Variants in AP1AR observed in about 807,000 individuals in gnomAD.
The protein encoded by AP1AR is adaptor related protein complex 1 associated regulatory protein.
In AP1AR, 29 loss-of-function variants were observed where a neutral mutation model predicts 46.3. The ratio of observed to expected loss-of-function variants is 0.63; its 90% confidence interval spans 0.47 to 0.85. The LOEUF is 0.85. Among genes scored for constraint, AP1AR ranks in the 40% least tolerant of loss-of-function variants. The pLI is 0.00. For synonymous variants in AP1AR, 122 were observed against 122.9 expected, an observed-to-expected ratio of 0.99 and a Z score of 0.05; for missense variants, 357 against 356.3, an observed-to-expected ratio of 1.00 and a Z score of -0.02.
intron 1 of AP1AR, among the ~76,000 whole-genome samples, chr4:112,236,613 C>G (rs1279996401): frequency 6.6e-6 from 1 of 152,104 alleles, no homozygotes; most frequent in East Asian, 1.9e-4. Context: ...GTTGGCCTGG[C>G]TAGTCTCGAA....
rs957357518 is a variant in AP1AR at position 112,261,151 on chromosome 4, A to G, written c.282+289A>G. On this transcript the variant is annotated intron_variant, in intron 5 of 9. Transcript: ENST00000274000. ...AATATGCACCTTGGTATTTAAAACCAACTTTTAGAGCAGGCTCACATCTGT... is the reference window on the plus strand; with the variant it reads ...AATATGCACCTTGGTATTTAAAACCGACTTTTAGAGCAGGCTCACATCTGT... Among the ~76,000 whole-genome samples, 7 of 152,328 alleles carry G rather than the reference A, an allele frequency of 4.6e-5. No homozygotes were observed. In the East Asian group the frequency reaches 1.3e-3, roughly 29 times the overall value.
chr4:112,237,111 T>G (rs559974697), intron 1 of AP1AR, among the ~76,000 whole-genome samples: 1 of 152,334 alleles, frequency 6.6e-6, no homozygotes, highest in African/African-American at 2.4e-5. Flanking sequence ...TACAGTGTTT[T>G]CTTTTTGTTT....
At chr4:112,257,938 A>G (rs796239937) in intron 4 of AP1AR, 141 bp downstream of exon 4, 2 of 649,954 alleles carry the variant, frequency 3.1e-6, no homozygotes, top group East Asian at 3.2e-5. Context: ...TTCTTTTTAT[A>G]AGATTGAGAC....
Position 112,232,186 on chromosome 4 carries a change from G to A in AP1AR, c.83+12G>A, listed in dbSNP as rs746341894. Reference sequence around the variant, plus strand: ...GGCGGCGGCGGAGGGTAAGCCCGCTGGGGGAGGGGCCCGGCCCCCGTGGCT... The same window carrying A: ...GGCGGCGGCGGAGGGTAAGCCCGCTAGGGGAGGGGCCCGGCCCCCGTGGCT... On this transcript the variant is annotated intron_variant, in intron 1 of 9. Transcript: ENST00000274000. The A allele has an allele frequency of 7.9e-7, 1 of 1,270,382 alleles. No individual in the cohort carries two copies. The highest frequency in any genetic ancestry group is 1.0e-6 in the Non-Finnish European group (1 of 1,000,324). The allele number at this position is 1,270,382 out of a possible 1,614,324, so 78.7% of individuals were successfully genotyped here. A position where few individuals can be genotyped will look rare whatever the true frequency, so the allele number is the denominator to read the frequency against.
intron 1 of AP1AR, among the ~76,000 whole-genome samples, chr4:112,240,653 A>G (rs1725453019): frequency 6.6e-6 from 1 of 152,114 alleles, no homozygotes. Flanking sequence ...GCTCCCTGAA[A>G]CATCTCTTTT....
At position 112,244,514 on chromosome 4, in the gene AP1AR, A is replaced by T. The variant is rs17044334; in HGVS notation, c.84-8694A>T. Among the ~76,000 whole-genome samples, 1,287 of 152,290 alleles carry T rather than the reference A, an allele frequency of 8.5e-3. 16 individuals carry two copies. The highest frequency in any genetic ancestry group is 0.029 in the African/African-American group (1,212 of 41,558). On this transcript the variant is annotated intron_variant, in intron 1 of 9. Coordinates refer to ENST00000274000, the MANE Select transcript of AP1AR (RefSeq NM_018569.6). ...AAAGGCAATTGTTTCATGCCACAGG[A>T]TGAGAATAACTGCTTTTCTAAAACA...
At position 112,260,841 on chromosome 4, in the gene AP1AR, T is replaced by G; in HGVS notation, c.261T>G (p.Leu87=). 2 of 1,598,222 alleles carry G rather than the reference T, an allele frequency of 1.3e-6. No homozygotes were observed. Among genetic ancestry groups the G allele is most frequent in the Non-Finnish European group, 1.7e-6 (2 of 1,171,472 alleles). Residue 87 remains leucine (L), a synonymous_variant, in exon 5 of 10, where the codon CTT becomes CTG. Transcript: ENST00000274000. The part of the protein sequence containing the change: ...YDSIAEKQKD[L]DKKIQKELAL... ...CCATTGCCGAAAAACAAAAAGATCT[T>G]GATAAGAAAATTCAAAAAGAGGTAA...
intron 2 of AP1AR, among the ~76,000 whole-genome samples, chr4:112,253,927 G>A (rs993492135): frequency 5.3e-5 from 8 of 152,124 alleles, no homozygotes; most frequent in African/African-American, 1.9e-4. Flanking sequence ...AATGTGTAAG[G>A]CAGGAATTAG....
intron 3 of AP1AR, 82 bp from the exon 4 acceptor site, chr4:112,257,685 TTTAGA>T (rs1560610158): frequency 2.9e-6 from 3 of 1,045,964 alleles, no homozygotes; most frequent in East Asian, 2.8e-5. Context: ...GTTGAAAGTA[TTTAGA>T]TTAAATAAAA....
chr4:112,259,260 C>T (rs1000581595), intron 4 of AP1AR, among the ~76,000 whole-genome samples: 3 of 152,018 alleles, frequency 2.0e-5, no homozygotes, highest in African/African-American at 7.2e-5. Flanking sequence ...TAGACTGCAG[C>T]GAGTTGACAA....
At chr4:112,239,066 T>G (rs1439534872) in intron 1 of AP1AR, among the ~76,000 whole-genome samples, 1 of 152,182 alleles carries the variant, frequency 6.6e-6, no homozygotes, top group African/African-American at 2.4e-5. Flanking sequence ...ACATGTTAGA[T>G]CTTTCTAACA....
At chr4:112,233,859 T>G (rs1725126356) in intron 1 of AP1AR, among the ~76,000 whole-genome samples, 1 of 151,768 alleles carries the variant, frequency 6.6e-6, no homozygotes, top group African/African-American at 2.4e-5. Flanking sequence ...GGTGGAGTAT[T>G]TCTTTCTTTT....
chr4:112,244,664 A>G (rs1036934583), intron 1 of AP1AR, among the ~76,000 whole-genome samples: 8 of 152,082 alleles, frequency 5.3e-5, no homozygotes, highest in Non-Finnish European at 1.0e-4. Context: ...GTCTCCTGTC[A>G]GTAATAATGC....
chr4:112,261,981 T>C (rs1300612463), intron 5 of AP1AR, among the ~76,000 whole-genome samples: 1 of 147,080 alleles, frequency 6.8e-6, no homozygotes, highest in Non-Finnish European at 1.5e-5. Context: ...AAAAAAAAAA[T>C]AAATGCACAC....
chr4:112,257,577 G>T (rs541428125), intron 3 of AP1AR, among the ~76,000 whole-genome samples, 195 bp from the exon 4 acceptor site: 33 of 152,166 alleles, frequency 2.2e-4, no homozygotes, highest in African/African-American at 7.9e-4. Context: ...TTTTGCTTTG[G>T]AGAAGTAGCA....
intron 1 of AP1AR, among the ~76,000 whole-genome samples, chr4:112,248,405 TG>T (rs1725810614): frequency 6.6e-6 from 1 of 152,190 alleles, no homozygotes; most frequent in African/African-American, 2.4e-5. Flanking sequence ...TAAATTTTGT[TG>T]GTATGTTAGC....
Position 112,271,560 on chromosome 4 carries a change from TTGTCTCCCTAC to T in AP1AR, c.*3154_*3164del, listed in dbSNP as rs1448279404. 6.6e-6 allele frequency among the ~76,000 whole-genome samples: 1 copy of T among 152,228 alleles called. No homozygotes were observed. Among genetic ancestry groups the T allele is most frequent in the Non-Finnish European group, 1.5e-5 (1 of 68,034 alleles). ...AACTGTCTCAATCTATTTGGACTCATTGTCTCCCTACTGGCCAAATCTATAGATGTCTGACA... is the reference window on the plus strand; with the variant it reads ...AACTGTCTCAATCTATTTGGACTCATTGGCCAAATCTATAGATGTCTGACA... On this transcript the variant is annotated 3_prime_UTR_variant, in exon 10 of 10. Transcript: ENST00000274000.
chr4:112,236,389 A>C (rs1409222921), intron 1 of AP1AR, among the ~76,000 whole-genome samples: 1 of 138,120 alleles, frequency 7.2e-6, no homozygotes, highest in Non-Finnish European at 1.5e-5. Context: ...CCCATAGCTA[A>C]ATTTCTAAGT....
At chr4:112,261,199 G>A (rs542973274) in intron 5 of AP1AR, among the ~76,000 whole-genome samples, 17 of 152,272 alleles carry the variant, frequency 1.1e-4, no homozygotes, top group Admixed American at 2.6e-4. Flanking sequence ...TTGGGTGGCC[G>A]AGGCAGACAG....
Sources: allele counts gnomAD v4.1 joint callset (sites outside exome capture counted in the v4.1 genomes callset), GRCh38; gene constraint gnomAD v4.1.1; transcripts MANE v1.5; gene names NCBI Gene and HGNC (gene_info 2026-07-23, HGNC 2026-07-21).